Variants in NEMP1 observed in about 807,000 individuals in gnomAD.
The protein encoded by NEMP1 is transmembrane protein 194.
In NEMP1, 29 loss-of-function variants were observed where a neutral mutation model predicts 53.7. That is an observed-to-expected ratio of 0.54 (90% CI 0.40 to 0.74). The LOEUF (loss-of-function observed/expected upper bound fraction) is 0.74. Ranked by LOEUF, NEMP1 falls within the 30% of genes least tolerant of loss-of-function variation. The probability of loss-of-function intolerance (pLI) is 0.00; values close to 1 mark genes in which losing one functional copy is unlikely to be tolerated. For missense variants in NEMP1, 477 were observed against 528.6 expected (o/e 0.90, Z 0.96); for synonymous variants, 193 against 192.9 (o/e 1.00, Z 0.00).
chr12:57,069,162 T>A, intron 4 of NEMP1, 72 bp downstream of exon 4: 1 of 1,076,280 alleles, frequency 9.3e-7, no homozygotes. Flanking sequence ...TGGCAGTACT[T>A]AATAGTTACT....
intron 2 of NEMP1, among the ~76,000 whole-genome samples, chr12:57,071,859 T>C (rs986682893): frequency 1.3e-5 from 2 of 151,862 alleles, no homozygotes; most frequent in Non-Finnish European, 2.9e-5. Flanking sequence ...TCCACCCTTA[T>C]GTTTTTGATG....
At chr12:57,069,089 A>G (rs1056561971) in intron 4 of NEMP1, 145 bp downstream of exon 4, 4 of 513,424 alleles carry the variant, frequency 7.8e-6, no homozygotes, top group Non-Finnish European at 1.4e-5. Context: ...AATACACATT[A>G]AAGTATTTTT....
intron 4 of NEMP1, among the ~76,000 whole-genome samples, chr12:57,065,808 C>T: frequency 6.6e-6 from 1 of 152,050 alleles, no homozygotes; most frequent in East Asian, 1.9e-4. Flanking sequence ...GCCTACCTTG[C>T]ACTTATGTAA....
At chr12:57,066,563 T>C (rs2032087137) in intron 4 of NEMP1, among the ~76,000 whole-genome samples, 1 of 152,236 alleles carries the variant, frequency 6.6e-6, no homozygotes. Flanking sequence ...GGTTATTAAT[T>C]GGCCTAGTTT....
Position 57,078,758 on chromosome 12 carries a change from C to T in NEMP1, c.-13G>A. 1 of 1,607,276 alleles carries T rather than the reference C, an allele frequency of 6.2e-7. No individual in the cohort carries two copies. ...TTCCTCCCGCCATGGTTGCCTCAAGCCACCTCCTCCTCACGTGCCTTACCC... is the reference window on the plus strand; with the variant it reads ...TTCCTCCCGCCATGGTTGCCTCAAGTCACCTCCTCCTCACGTGCCTTACCC... On this transcript the variant is annotated 5_prime_UTR_variant, in exon 1 of 9. Transcript: ENST00000300128.
intron 1 of NEMP1, among the ~76,000 whole-genome samples, chr12:57,073,161 A>AT (rs1202743038): frequency 4.8e-3 from 683 of 142,288 alleles, no homozygotes; most frequent in Admixed American, 5.6e-3. Flanking sequence ...TTAAGTATCT[A>AT]TTTTTTTTTT....
chr12:57,087,953 G>T (rs1164640033), exon 1 of NEMP1: 1 of 152,266 alleles, frequency 6.6e-6, no homozygotes, highest in Non-Finnish European at 1.5e-5. Context: ...ATGCGAACCA[G>T]ATGGGGCTAG....
Position 57,055,810 on chromosome 12 carries a change from A to T in NEMP1, c.*4069T>A, listed in dbSNP as rs1212492013. The T allele has an allele frequency of 1.3e-5, 2 of 152,230 alleles. No individual in the cohort carries two copies. Among genetic ancestry groups the T allele is most frequent in the Non-Finnish European group, 2.9e-5 (2 of 68,036 alleles). The allele number at this position is 152,230 out of a possible 1,614,324, so 9.4% of individuals were successfully genotyped here. On this transcript the variant is annotated 3_prime_UTR_variant, in exon 9 of 9. Transcript: ENST00000300128. ...CCTTTCAAACATTCATGAACATTTA[A>T]ATAAAATTACAAATATTTAAATAAC...
At chr12:57,075,575 G>A (rs961437398) in intron 1 of NEMP1, among the ~76,000 whole-genome samples, 3 of 151,346 alleles carry the variant, frequency 2.0e-5, no homozygotes, top group Admixed American at 6.6e-5. Context: ...TGTAGTCCCA[G>A]GACTTTGGGA....
At chr12:57,077,261 G>A (rs1476200213) in intron 1 of NEMP1, among the ~76,000 whole-genome samples, 9 of 151,436 alleles carry the variant, frequency 5.9e-5, no homozygotes, top group Non-Finnish European at 1.0e-4. Context: ...GAACCTGGGA[G>A]GCGGAGCTTG....
At chr12:57,076,461 C>T (rs995635854) in intron 1 of NEMP1, among the ~76,000 whole-genome samples, 3 of 149,796 alleles carry the variant, frequency 2.0e-5, no homozygotes, top group South Asian at 2.1e-4. Flanking sequence ...GTCAGGAGTT[C>T]GAGACCAACC....
chr12:57,075,464 C>T (rs1045851758), intron 1 of NEMP1, among the ~76,000 whole-genome samples: 19 of 149,368 alleles, frequency 1.3e-4, no homozygotes, highest in Admixed American at 4.7e-4. Flanking sequence ...CACTGCACTC[C>T]GGCCTGGGCG....
At chr12:57,082,147 C>T (rs140493499), upstream of NEMP1, among the ~76,000 whole-genome samples, 4 of 151,880 alleles carry the variant, frequency 2.6e-5, no homozygotes, top group African/African-American at 4.8e-5. Flanking sequence ...ACCTGGGAGG[C>T]GGAGGTTGCA....
intron 5 of NEMP1, 62 bp from the exon 6 acceptor site, chr12:57,064,247 G>T: frequency 2.9e-6 from 3 of 1,023,660 alleles, no homozygotes; most frequent in Non-Finnish European, 4.3e-6. Context: ...CATAAAAGAA[G>T]CAAAATGGAA....
In NEMP1 at chr12:57,059,778, A is replaced by G; in HGVS notation, c.*101T>C. On this transcript the variant is annotated 3_prime_UTR_variant, in exon 9 of 9. Transcript: ENST00000300128. ...ATTTCAGTAGGAGAATTTCTACCCT[A>G]TCTATCTCACTCTGTTTCAAAGGGT... 1 of 1,077,754 alleles carries G rather than the reference A, an allele frequency of 9.3e-7. No individual in the cohort carries two copies. The highest frequency in any genetic ancestry group is 1.3e-6 in the Non-Finnish European group (1 of 755,030). 66.8% of individuals were successfully genotyped at this position (1,077,754 alleles called of 1,614,324 possible).
At chr12:57,074,642 T>TA (rs1780448919) in intron 1 of NEMP1, among the ~76,000 whole-genome samples, 1 of 152,218 alleles carries the variant, frequency 6.6e-6, no homozygotes, top group Admixed American at 6.5e-5. Flanking sequence ...TGGAGGATAC[T>TA]AAAAGATTTC....
chr12:57,068,370 T>A (rs1360078452), intron 4 of NEMP1, among the ~76,000 whole-genome samples: 1 of 151,340 alleles, frequency 6.6e-6, no homozygotes, highest in Non-Finnish European at 1.5e-5. Flanking sequence ...TTTTTTTTTT[T>A]AAACAGGGTC....
upstream of NEMP1, among the ~76,000 whole-genome samples, chr12:57,083,656 T>G (rs969270826): frequency 7.2e-5 from 11 of 152,380 alleles, no homozygotes; most frequent in Admixed American, 4.6e-4. Context: ...CATACTGTGG[T>G]AAGTGAAAGA....
At chr12:57,082,899 T>C (rs1257866312), upstream of NEMP1, among the ~76,000 whole-genome samples, 1 of 150,728 alleles carries the variant, frequency 6.6e-6, no homozygotes, top group Non-Finnish European at 1.5e-5. Flanking sequence ...CATGCACCTG[T>C]GGTCCCAGCT....
Sources: gnomAD v4.1 joint callset for allele counts (sites outside exome capture counted in the v4.1 genomes callset) on GRCh38, gnomAD v4.1.1 for gene constraint, MANE v1.5 for transcripts, NCBI Gene and HGNC (gene_info 2026-07-23, HGNC 2026-07-21) for gene names.